Variants in KALRN observed in about 807,000 individuals in gnomAD.
The protein encoded by KALRN is kalirin RhoGEF kinase.
A neutral mutation model predicts 353.7 loss-of-function variants in KALRN; 70 were observed. The ratio of observed to expected loss-of-function variants is 0.20; its 90% confidence interval spans 0.16 to 0.24. KALRN has a LOEUF of 0.24. Among genes scored for constraint, KALRN ranks in the 10% least tolerant of loss-of-function variants. KALRN has a pLI of 1.00. For synonymous variants in KALRN, 1,391 were observed against 1,434.8 expected (o/e 0.97, Z 0.69); for missense variants, 2,791 against 3,756.7 (o/e 0.74, Z 6.72).
intron 3 of KALRN, among the ~76,000 whole-genome samples, chr3:124,235,746 G>C (rs1481412277): frequency 1.3e-5 from 2 of 152,216 alleles, no homozygotes; most frequent in Non-Finnish European, 2.9e-5. Flanking sequence ...ACTGCTCTCT[G>C]TCTCTTAGTG....
At chr3:124,437,187 A>G (rs577903681) in intron 17 of KALRN, among the ~76,000 whole-genome samples, 1 of 151,714 alleles carries the variant, frequency 6.6e-6, no homozygotes, top group African/African-American at 2.4e-5. Flanking sequence ...ATGTGATGCT[A>G]GAGATGGGAC....
intron 13 of KALRN, among the ~76,000 whole-genome samples, chr3:124,402,450 T>C (rs2090995945): frequency 6.6e-6 from 1 of 152,214 alleles, no homozygotes; most frequent in Non-Finnish European, 1.5e-5. Flanking sequence ...AAACTAGTTA[T>C]GATAGAAGAG....
rs1258628739 is a variant in KALRN, at chr3:124,614,258, T to TTATG, written c.5183-18159_5183-18158insGTAT. The stretch of plus-strand genomic sequence containing the variant: ...CTAAAATTCTTATTTATTTATTTAT[T>TTATG]TATTTATTTATTTATTTATTTATTT... On this transcript the variant is annotated intron_variant, in intron 34 of 59. Coordinates refer to ENST00000682506, the MANE Select transcript of KALRN (RefSeq NM_001388419.1). 2.7e-5 allele frequency among the ~76,000 whole-genome samples: 4 copies of TTATG among 149,842 alleles called. No individual in the cohort carries two copies. In the East Asian group the frequency reaches 7.8e-4, roughly 29 times the overall value.
At chr3:124,531,431 G>A (rs1020673588) in intron 33 of KALRN, among the ~76,000 whole-genome samples, 2 of 152,156 alleles carry the variant, frequency 1.3e-5, no homozygotes, top group Non-Finnish European at 2.9e-5. Flanking sequence ...TTTATGTTTA[G>A]CTCATGGTTT....
At chr3:124,622,706 T>C (rs1220935273) in intron 34 of KALRN, among the ~76,000 whole-genome samples, 1 of 152,220 alleles carries the variant, frequency 6.6e-6, no homozygotes, top group Non-Finnish European at 1.5e-5. Flanking sequence ...TTTTTCTGTC[T>C]GGGAATTGTA....
chr3:124,173,656 A>G (rs1437213478), intron 1 of KALRN, among the ~76,000 whole-genome samples: 1 of 152,148 alleles, frequency 6.6e-6, no homozygotes, highest in African/African-American at 2.4e-5. Context: ...TCGCTCTGTC[A>G]CCAGGCTGGG....
At chr3:124,249,991 G>A (rs2070891395) in intron 3 of KALRN, among the ~76,000 whole-genome samples, 1 of 152,144 alleles carries the variant, frequency 6.6e-6, no homozygotes, top group Non-Finnish European at 1.5e-5. Flanking sequence ...CTAGCTAGAG[G>A]GTAACAGCCG....
chr3:124,703,124 C>T (rs963224727), intron 57 of KALRN, among the ~76,000 whole-genome samples: 1 of 152,132 alleles, frequency 6.6e-6, no homozygotes, highest in South Asian at 2.1e-4. Context: ...CTCAGTGAAG[C>T]ATAACATTTT....
At chr3:124,566,353 A>C (rs774884180) in intron 34 of KALRN, among the ~76,000 whole-genome samples, 6 of 152,204 alleles carry the variant, frequency 3.9e-5, no homozygotes, top group South Asian at 2.1e-4. Context: ...AAATTTAAAA[A>C]TTAGCCAGGT....
rs191322599 is a variant in KALRN, at chr3:124,285,110, C to T, written c.970-13681C>T. 4.9e-4 allele frequency among the ~76,000 whole-genome samples: 74 copies of T among 152,268 alleles called. No individual in the cohort carries two copies. In the East Asian group the frequency reaches 0.012, roughly 24 times the overall value. On this transcript the variant is annotated intron_variant, in intron 5 of 59. Transcript: ENST00000682506. ...CTCTAAGCAAATCTCTCCTCAATTTCGTTGGTTCATACTCATTAAGACTTG... is the reference window on the plus strand; with the variant it reads ...CTCTAAGCAAATCTCTCCTCAATTTTGTTGGTTCATACTCATTAAGACTTG...
At chr3:124,294,675 C>T (rs2076708537) in intron 5 of KALRN, among the ~76,000 whole-genome samples, 1 of 151,838 alleles carries the variant, frequency 6.6e-6, no homozygotes, top group Admixed American at 6.6e-5. Context: ...CAGGCACCCA[C>T]CACCAAATCC....
intron 1 of KALRN, among the ~76,000 whole-genome samples, chr3:124,221,157 C>G (rs1206350233): frequency 6.6e-6 from 1 of 152,246 alleles, no homozygotes; most frequent in Non-Finnish European, 1.5e-5. Context: ...CTCTGCTTTT[C>G]TGTTCATTGA....
At chr3:124,504,040 G>A (rs2064927461) in intron 33 of KALRN, among the ~76,000 whole-genome samples, 1 of 152,166 alleles carries the variant, frequency 6.6e-6, no homozygotes, top group Admixed American at 6.5e-5. Flanking sequence ...CACGCAGCTT[G>A]CAGGAAACCT....
intron 33 of KALRN, among the ~76,000 whole-genome samples, chr3:124,525,832 C>A (rs998761859): frequency 6.6e-6 from 1 of 152,076 alleles, no homozygotes; most frequent in African/African-American, 2.4e-5. Flanking sequence ...ACAGGTATAA[C>A]CCTCAAAGCC....
At chr3:124,053,007 T>C (rs1344571738) in intron 1 of KALRN, among the ~76,000 whole-genome samples, 1 of 152,128 alleles carries the variant, frequency 6.6e-6, no homozygotes, top group Non-Finnish European at 1.5e-5. Context: ...TCTTGGATTT[T>C]CTCAGGAGTT....
intron 5 of KALRN, among the ~76,000 whole-genome samples, chr3:124,293,087 G>A (rs995834846): frequency 6.6e-6 from 1 of 152,148 alleles, no homozygotes; most frequent in Admixed American, 6.5e-5. Flanking sequence ...AGGTTCACCC[G>A]CAAGGAGGTT....
chr3:124,566,867 T>G (rs1290078216), intron 34 of KALRN, among the ~76,000 whole-genome samples: 1 of 152,164 alleles, frequency 6.6e-6, no homozygotes, highest in Non-Finnish European at 1.5e-5. Flanking sequence ...TGGAATCAAT[T>G]CCTTTTTCAA....
At position 124,333,228 on chromosome 3, in the gene KALRN, G is replaced by A. The variant is rs117447797; in HGVS notation, c.1417-1037G>A. Among the ~76,000 whole-genome samples the A allele has an allele frequency of 3.7e-4, 57 of 152,234 alleles. No homozygotes were observed. The East Asian group carries it at 8.7e-3, about 23-fold the overall frequency. ...CTCCCACAACACGTGGTGATTATGG[G>A]AACTACAATTCAAGATGAGATTTAA... On this transcript the variant is annotated intron_variant, in intron 8 of 59. Transcript: ENST00000682506.
intron 33 of KALRN, among the ~76,000 whole-genome samples, chr3:124,551,899 TGAG>T (rs1166454928): frequency 6.6e-6 from 1 of 152,168 alleles, no homozygotes; most frequent in Non-Finnish European, 1.5e-5. Context: ...AGTGCATGGA[TGAG>T]GAGGCTGGAC....
Sources: gnomAD v4.1 joint callset for allele counts (sites outside exome capture counted in the v4.1 genomes callset) on GRCh38, gnomAD v4.1.1 for gene constraint, MANE v1.5 for transcripts, NCBI Gene and HGNC (gene_info 2026-07-23, HGNC 2026-07-21) for gene names.